The following DENND5B variants were observed in gnomAD, a reference collection of about 807,000 sequenced individuals.
The protein encoded by DENND5B is DENN domain containing 5B.
In DENND5B, 34 loss-of-function variants were observed where a neutral mutation model predicts 140.6. That is an observed-to-expected ratio of 0.24 (90% CI 0.18 to 0.32). The LOEUF is 0.32. DENND5B is among the 10% of genes least tolerant of loss of function. DENND5B has a pLI of 1.00. For missense variants in DENND5B, 1,142 were observed against 1,560.2 expected (o/e 0.73, Z 4.52); for synonymous variants, 551 against 562.1 (o/e 0.98, Z 0.28).
rs768795568 is a variant in DENND5B, at chr12:31,447,653, T to C, written c.1746A>G (p.Lys582=). ...TGTCAAAGACCCGAAGCAAAGGATCTTTCTCTTCCCACTGAGACATAATTT... is the reference window on the plus strand; with the variant it reads ...TGTCAAAGACCCGAAGCAAAGGATCCTTCTCTTCCCACTGAGACATAATTT... ...DNKIMSQWEE[K]DPLLRVFDTR... is the part of the protein sequence containing the mutation. The change falls in exon 6 of 21, where the codon AAA becomes AAG. Residue 582 remains lysine, a synonymous_variant. Transcript: ENST00000389082. 2 of 1,613,874 alleles carry C rather than the reference T, an allele frequency of 1.2e-6. No homozygotes were observed. Among genetic ancestry groups the C allele is most frequent in the Non-Finnish European group, 1.7e-6 (2 of 1,179,842 alleles).
chr12:31,425,821 C>A (rs1565566440), intron 9 of DENND5B, among the ~76,000 whole-genome samples: 2 of 152,184 alleles, frequency 1.3e-5, no homozygotes, highest in East Asian at 3.8e-4. Flanking sequence ...ATTTGTACTG[C>A]TACCTCCAAT....
At chr12:31,521,548 AAC>A (rs2139005655) in intron 1 of DENND5B, among the ~76,000 whole-genome samples, 1 of 152,280 alleles carries the variant, frequency 6.6e-6, no homozygotes, top group African/African-American at 2.4e-5. Flanking sequence ...AAATTTAAGA[AAC>A]AGTTTCATTT....
chr12:31,398,406 GA>G, intron 16 of DENND5B, 44 bp from the exon 17 acceptor site: 1 of 1,506,808 alleles, frequency 6.6e-7, no homozygotes. Flanking sequence ...ATTTTTTTGA[GA>G]CAGGGTTCCC....
At chr12:31,590,528 C>G in intron 1 of DENND5B, 178 bp downstream of exon 1, 1 of 764,938 alleles carries the variant, frequency 1.3e-6, no homozygotes, top group Non-Finnish European at 1.9e-6. Flanking sequence ...AAAGCCCGCA[C>G]GCGGAATAAA....
chr12:31,405,908 C>T (rs749558339), intron 14 of DENND5B, among the ~76,000 whole-genome samples: 1 of 151,684 alleles, frequency 6.6e-6, no homozygotes, highest in African/African-American at 2.4e-5. Flanking sequence ...TGCAGTGGGG[C>T]GATTTCAGCT....
In DENND5B at chr12:31,503,216, A is replaced by G. The variant is rs186479026; in HGVS notation, c.128-7297T>C. ...TGAGAGGAGGAGAGAGGGGAATTAC[A>G]CTATGACACAAAAATCTCCCCGTTA... is the stretch of plus-strand genomic sequence containing the variant. On this transcript the variant is annotated intron_variant, in intron 1 of 20. Transcript: ENST00000389082. 1.3e-3 allele frequency among the ~76,000 whole-genome samples: 198 copies of G among 152,324 alleles called. 1 individual carries two copies. Among genetic ancestry groups the G allele is most frequent in the African/African-American group, 4.6e-3 (193 of 41,570 alleles).
At chr12:31,403,869 C>A (rs1483814246) in intron 14 of DENND5B, among the ~76,000 whole-genome samples, 1 of 134,814 alleles carries the variant, frequency 7.4e-6, no homozygotes, top group African/African-American at 2.9e-5. Flanking sequence ...GCACTCCAGC[C>A]TGGGCAACAG....
At chr12:31,504,668 C>G (rs188148796) in intron 1 of DENND5B, among the ~76,000 whole-genome samples, 2 of 152,134 alleles carry the variant, frequency 1.3e-5, no homozygotes, top group Admixed American at 1.3e-4. Context: ...TCCATCATAG[C>G]CTGTTTGTGA....
rs1941208024 is a variant in DENND5B, at chr12:31,392,604, C to T, written c.3339+10G>A. 2 of 1,553,580 alleles carry T rather than the reference C, an allele frequency of 1.3e-6. No individual in the cohort carries two copies. On this transcript the variant is annotated intron_variant, in intron 18 of 20. Coordinates refer to ENST00000389082, the MANE Select transcript of DENND5B (RefSeq NM_144973.4). ...GTCCCACTATACTAAGTTTTATAGC[C>T]CATAAATACCTCTTTTTCAGGTTTA...
At position 31,386,850 on chromosome 12, in the gene DENND5B, G is replaced by A. The variant is rs1940874009; in HGVS notation, c.*753C>T. 6.6e-6 allele frequency: 1 copy of A among 152,214 alleles called. No individual in the cohort carries two copies. Among genetic ancestry groups the A allele is most frequent in the South Asian group, 2.1e-4 (1 of 4,832 alleles). The allele number at this position is 152,214 out of a possible 1,614,324, so 9.4% of individuals were successfully genotyped here. A position where few individuals can be genotyped will look rare whatever the true frequency, so the allele number is the denominator to read the frequency against. ...TAACAAGAATAAAAATGCCAAGAAT[G>A]AAGTTAGTCTAGGCTAATCTTTCCG... On this transcript the variant is annotated 3_prime_UTR_variant, in exon 21 of 21. Transcript: ENST00000389082.
At chr12:31,430,147 T>G (rs1943443223) in intron 8 of DENND5B, among the ~76,000 whole-genome samples, 1 of 150,898 alleles carries the variant, frequency 6.6e-6, no homozygotes, top group Non-Finnish European at 1.5e-5. Flanking sequence ...CTCAGCCTCC[T>G]GAGTAGCTGG....
At chr12:31,470,525 C>T (rs78338067) in intron 3 of DENND5B, among the ~76,000 whole-genome samples, 1,723 of 152,276 alleles carry the variant, frequency 0.011, 19 homozygotes, top group East Asian at 0.031. Flanking sequence ...GCTGGGATTA[C>T]AGGTGTAAGC....
intron 17 of DENND5B, among the ~76,000 whole-genome samples, chr12:31,393,969 C>T (rs1209452705): frequency 6.6e-6 from 1 of 152,112 alleles, no homozygotes; most frequent in African/African-American, 2.4e-5. Context: ...GGATTACAGG[C>T]GTAAGCCACC....
chr12:31,418,359 G>C (rs1942865719), intron 11 of DENND5B, among the ~76,000 whole-genome samples: 1 of 143,998 alleles, frequency 6.9e-6, no homozygotes, highest in South Asian at 2.2e-4. Context: ...TCGGCTCACT[G>C]CAGCCTCCAC....
At chr12:31,486,193 C>T (rs904369927) in intron 2 of DENND5B, among the ~76,000 whole-genome samples, 2 of 152,124 alleles carry the variant, frequency 1.3e-5, no homozygotes, top group Non-Finnish European at 2.9e-5. Flanking sequence ...CAGGCTCTGC[C>T]CTCATGAAAG....
At chr12:31,579,468 C>T (rs2139460707) in intron 1 of DENND5B, among the ~76,000 whole-genome samples, 1 of 152,110 alleles carries the variant, frequency 6.6e-6, no homozygotes, top group South Asian at 2.1e-4. Context: ...TGAAGCCAGC[C>T]TGGCCAACAA....
chr12:31,552,308 T>C (rs1472995085), intron 1 of DENND5B, among the ~76,000 whole-genome samples: 1 of 152,218 alleles, frequency 6.6e-6, no homozygotes, highest in Non-Finnish European at 1.5e-5. Context: ...CTTTTCTGCA[T>C]CTATTGAGAT....
intron 4 of DENND5B, among the ~76,000 whole-genome samples, chr12:31,457,448 CTA>C (rs1944825359): frequency 6.6e-6 from 1 of 152,134 alleles, no homozygotes; most frequent in African/African-American, 2.4e-5. Flanking sequence ...ATTTTTGTAA[CTA>C]TGTTTAGAAG....
chr12:31,433,210 T>C lies in DENND5B; in HGVS notation c.2051A>G (p.Lys684Arg). 1 of 1,613,872 alleles carries C rather than the reference T, an allele frequency of 6.2e-7. No individual in the cohort carries two copies. The highest frequency in any genetic ancestry group is 1.1e-5 in the South Asian group (1 of 91,060). Reference protein sequence around the residue: ...VSRSATAQRRKERLRQHSEHV... With the variant: ...VSRSATAQRRRERLRQHSEHV... The stretch of plus-strand genomic sequence containing the variant: ...CTCAGAATGCTGGCGAAGGCGTTCT[T>C]TCCTGCGCTGTGCAGTGGCACTCCG... Residue 684 changes from lysine to arginine, a missense_variant, in exon 8 of 21, where the codon AAA becomes AGA. Physicochemically the swap from Lys to Arg is conservative, Grantham distance 26 (BLOSUM62 2). This residue lies in a region of DENND5B where 708 missense variants were observed against 905.5 expected (regional missense o/e 0.78). Transcript: ENST00000389082.
Sources: gnomAD v4.1 joint callset for allele counts (sites outside exome capture counted in the v4.1 genomes callset) on GRCh38, gnomAD v4.1.1 for gene constraint, gnomAD v4.1.1 regional missense constraint, MANE v1.5 for transcripts, NCBI Gene and HGNC (gene_info 2026-07-23, HGNC 2026-07-21) for gene names.